Variants in COL28A1 observed in about 807,000 individuals in gnomAD.
COL28A1 encodes collagen alpha-1(XXVIII) chain.
In COL28A1, 161 loss-of-function variants were observed where a neutral mutation model predicts 150.2. The ratio of observed to expected loss-of-function variants is 1.07; its 90% CI spans 0.94 to 1.22. The LOEUF is 1.22. Ranked by LOEUF, COL28A1 falls within the 50% of genes most tolerant of loss-of-function variation. COL28A1 has a pLI of 0.00. For synonymous variants in COL28A1, 552 were observed against 469.7 expected, an observed-to-expected ratio of 1.18 and a Z score of -2.26; for missense variants, 1,617 against 1,388.3, an observed-to-expected ratio of 1.16 and a Z score of -2.62.
intron 11 of COL28A1, among the ~76,000 whole-genome samples, chr7:7,503,804 C>A (rs938872831): frequency 6.6e-6 from 1 of 152,160 alleles, no homozygotes; most frequent in Admixed American, 6.5e-5. Context: ...TAAACCAGAA[C>A]TATGACTAGA....
chr7:7,372,970 T>C (rs373691136), intron 32 of COL28A1, 28 bp downstream of exon 32: 154 of 1,589,674 alleles, frequency 9.7e-5, no homozygotes, highest in Non-Finnish European at 1.3e-4. Context: ...ATAAATGCCT[T>C]TCCCCTGGGC....
intron 3 of COL28A1, among the ~76,000 whole-genome samples, chr7:7,529,246 G>T (rs1039976815): frequency 2.8e-5 from 4 of 144,136 alleles, no homozygotes; most frequent in African/African-American, 1.0e-4. Context: ...CCAAGATCGT[G>T]CCACTGCACT....
chr7:7,338,660 T>C, the COL28A1 span, among the ~76,000 whole-genome samples: 1 of 152,164 alleles, frequency 6.6e-6, no homozygotes, highest in Non-Finnish European at 1.5e-5. Context: ...CTTCTTTTCT[T>C]ATTTGGATGC....
rs1221583280 is a variant in COL28A1, at chr7:7,533,010, G to GA, written c.-37-99dup. The GA allele has an allele frequency of 2.2e-5, 27 of 1,216,534 alleles. No individual in the cohort carries two copies. The East Asian group carries it at 7.3e-4, about 33-fold the overall frequency. The allele number at this position is 1,216,534 out of a possible 1,614,324, so 75.4% of individuals were successfully genotyped here. A position where few individuals can be genotyped will look rare whatever the true frequency, so the allele number is the denominator to read the frequency against. The stretch of plus-strand genomic sequence containing the variant: ...AGGGTTGAAAACTGGCATGTGACTG[G>GA]AAAAAAGAGGTTTTCATTCATATTT... On this transcript the variant is annotated intron_variant, in intron 1 of 34. Coordinates refer to ENST00000399429, the MANE Select transcript of COL28A1 (RefSeq NM_001037763.3).
At chr7:7,354,040 T>C (rs1409075362), downstream of COL28A1, among the ~76,000 whole-genome samples, 1 of 152,062 alleles carries the variant, frequency 6.6e-6, no homozygotes, top group African/African-American at 2.4e-5. Flanking sequence ...TTTTTTTTTT[T>C]TGAGATGGGG....
intron 13 of COL28A1, among the ~76,000 whole-genome samples, chr7:7,477,934 G>C (rs550667514): frequency 6.6e-6 from 1 of 152,078 alleles, no homozygotes; most frequent in Admixed American, 6.5e-5. Context: ...TGATTGGTGC[G>C]TTTACAATCC....
intron 27 of COL28A1, chr7:7,417,626 G>C (rs951439846): frequency 4.0e-6 from 2 of 497,096 alleles, no homozygotes; most frequent in African/African-American, 4.1e-5. Context: ...ACAAACCATA[G>C]AACAGTTCAC....
At chr7:7,379,889 G>C (rs1210549092) in intron 30 of COL28A1, among the ~76,000 whole-genome samples, 1 of 152,184 alleles carries the variant, frequency 6.6e-6, no homozygotes, top group African/African-American at 2.4e-5. Context: ...ACAGCCCGCA[G>C]AACACATGTG....
At chr7:7,400,950 G>A (rs13230887) in intron 27 of COL28A1, among the ~76,000 whole-genome samples, 1 of 149,172 alleles carries the variant, frequency 6.7e-6, no homozygotes, top group Non-Finnish European at 1.5e-5. Flanking sequence ...CTCTCCCCTC[G>A]TCCCATAGGA....
At chr7:7,427,379 G>T (rs1206288573) in intron 25 of COL28A1, among the ~76,000 whole-genome samples, 2 of 152,198 alleles carry the variant, frequency 1.3e-5, no homozygotes, top group African/African-American at 4.8e-5. Flanking sequence ...CTTTCTTCAA[G>T]TCCACTTTGG....
At chr7:7,446,101 G>C (rs967469942) in intron 18 of COL28A1, among the ~76,000 whole-genome samples, 30 of 151,816 alleles carry the variant, frequency 2.0e-4, no homozygotes, top group Non-Finnish European at 3.8e-4. Context: ...CAGGTGATCC[G>C]CCTGCCTCAG....
chr7:7,370,457 G>C (rs1781165968), intron 33 of COL28A1, among the ~76,000 whole-genome samples: 1 of 152,178 alleles, frequency 6.6e-6, no homozygotes, highest in Non-Finnish European at 1.5e-5. Flanking sequence ...TGGTTACTTT[G>C]ATGGTAATAG....
intron 33 of COL28A1, among the ~76,000 whole-genome samples, chr7:7,370,080 G>A (rs1430779969): frequency 6.6e-6 from 1 of 152,202 alleles, no homozygotes; most frequent in East Asian, 1.9e-4. Flanking sequence ...GCTGAAGTCA[G>A]TTCCCAGAAG....
At chr7:7,468,095 A>G (rs1370825455) in intron 15 of COL28A1, among the ~76,000 whole-genome samples, 8 of 9,744 alleles carry the variant, frequency 8.2e-4, no homozygotes, top group African/African-American at 3.6e-3. Context: ...GAAGGCAAGA[A>G]ATAACTAAAA....
intron 27 of COL28A1, among the ~76,000 whole-genome samples, chr7:7,390,568 T>A (rs146678546): frequency 0.021 from 3,230 of 152,298 alleles, 115 homozygotes; most frequent in African/African-American, 0.074. Context: ...GAAGACATGG[T>A]ACCAGCTCCT....
Position 7,477,152 on chromosome 7 carries a change from C to T in COL28A1, c.1193G>A (p.Gly398Glu). The change falls in exon 14 of 35, where the codon GGA becomes GAA. Residue 398 changes from glycine to glutamate, a missense_variant. Coordinates refer to ENST00000399429, the MANE Select transcript of COL28A1 (RefSeq NM_001037763.3). Reference sequence around the variant, plus strand: ...TCCTTCTCCGGGTAAGCCCCTCTCTCCTGGTACTCCCTCAGGACCACGGGG... The same window carrying T: ...TCCTTCTCCGGGTAAGCCCCTCTCTTCTGGTACTCCCTCAGGACCACGGGG... The part of the protein sequence containing the change: ...PGPRGPEGVP[G>E]ERGLPGEGFP... 3 of 1,335,960 alleles carry T rather than the reference C, an allele frequency of 2.2e-6. No individual in the cohort carries two copies. Among genetic ancestry groups the T allele is most frequent in the Non-Finnish European group, 3.2e-6 (3 of 925,692 alleles). 82.8% of individuals were successfully genotyped at this position (1,335,960 alleles called of 1,614,324 possible).
In COL28A1 at chr7:7,439,936, T is replaced by A. The variant is rs1336177784; in HGVS notation, c.1722+854A>T. ...AGGTGATGTTTTGTATCTGATGTTG[T>A]CAGCACCATTTTTTAAAAATGTGCT... On this transcript the variant is annotated intron_variant, in intron 21 of 34. Transcript: ENST00000399429. Among the ~76,000 whole-genome samples the A allele has an allele frequency of 3.3e-5, 5 of 152,360 alleles. No homozygotes were observed. The East Asian group carries it at 7.7e-4, about 24-fold the overall frequency.
intron 13 of COL28A1, among the ~76,000 whole-genome samples, chr7:7,483,147 A>G (rs1779439881): frequency 1.3e-5 from 2 of 152,160 alleles, no homozygotes; most frequent in African/African-American, 4.8e-5. Context: ...GTACCTCCTT[A>G]TGACTTACAA....
intron 25 of COL28A1, among the ~76,000 whole-genome samples, chr7:7,427,811 C>G (rs929376691): frequency 2.6e-5 from 4 of 152,098 alleles, no homozygotes; most frequent in African/African-American, 9.7e-5. Context: ...AATAGAAAAG[C>G]TAGGCTGAAA....
Sources: allele counts gnomAD v4.1 joint callset (sites outside exome capture counted in the v4.1 genomes callset), GRCh38; gene constraint gnomAD v4.1.1; transcripts MANE v1.5; gene names NCBI Gene and HGNC (gene_info 2026-07-23, HGNC 2026-07-21).